The following TGFBR3 variants were observed in gnomAD, a reference collection of about 807,000 sequenced individuals.
TGFBR3 encodes the protein transforming growth factor beta receptor type 3.
Under a neutral mutation model 87.9 loss-of-function variants are expected in TGFBR3, and 46 were observed. That is an observed-to-expected ratio of 0.52 (90% CI 0.41 to 0.67). TGFBR3 has a LOEUF of 0.67. Among genes scored for constraint, TGFBR3 ranks in the 30% least tolerant of loss-of-function variants. The probability of loss-of-function intolerance (pLI) is 0.00; values close to 1 mark genes in which losing one functional copy is unlikely to be tolerated. For missense variants in TGFBR3, 866 were observed against 1,041.9 expected (o/e 0.83, Z 2.32); for synonymous variants, 381 against 391.6 (o/e 0.97, Z 0.32).
chr1:91,861,714 CAG>C (rs1291989744), intron 1 of TGFBR3, 70 bp from the exon 2 acceptor site: 7 of 650,840 alleles, frequency 1.1e-5, no homozygotes, highest in African/African-American at 9.2e-5. Context: ...TAAAATTAAA[CAG>C]AGAATTTCTG....
intron 2 of TGFBR3, among the ~76,000 whole-genome samples, chr1:91,805,957 T>A (rs577549139): frequency 1.3e-5 from 2 of 152,352 alleles, no homozygotes; most frequent in African/African-American, 4.8e-5. Context: ...ACCACCTGCC[T>A]CTGCCTTGTA....
chr1:91,683,914 T>C, intron 16 of TGFBR3, 57 bp from the exon 17 acceptor site: 6 of 1,453,520 alleles, frequency 4.1e-6, no homozygotes, highest in Non-Finnish European at 5.7e-6. Context: ...TGTATGTGCA[T>C]TCCTGAAAAG....
At chr1:91,839,401 C>A (rs370011887) in intron 2 of TGFBR3, among the ~76,000 whole-genome samples, 9 of 152,278 alleles carry the variant, frequency 5.9e-5, no homozygotes, top group African/African-American at 2.2e-4. Context: ...ATAAATTTTT[C>A]ATACTCCGTA....
chr1:91,882,143 T>C (rs1445199209), intron 1 of TGFBR3, among the ~76,000 whole-genome samples: 1 of 148,686 alleles, frequency 6.7e-6, no homozygotes, highest in African/African-American at 2.4e-5. Context: ...AAAACCTTTT[T>C]TTTTTTTTTT....
At chr1:91,726,611 G>C (rs1057403122) in intron 7 of TGFBR3, among the ~76,000 whole-genome samples, 1 of 151,624 alleles carries the variant, frequency 6.6e-6, no homozygotes, top group Non-Finnish European at 1.5e-5. Context: ...GCTGCCTCTG[G>C]TGAGTGCTTT....
Position 91,682,555 on chromosome 1 carries a change from G to T in TGFBR3, c.*1184C>A. ...ATATATTTAAGGCAAGAGAAGTAAG[G>T]CAATCCAAATGAGTGCCCTTTTCCA... On this transcript the variant is annotated 3_prime_UTR_variant, in exon 17 of 17. Coordinates refer to ENST00000212355, the MANE Select transcript of TGFBR3 (RefSeq NM_003243.5). 2.2e-6 allele frequency: 1 copy of T among 453,502 alleles called. No individual in the cohort carries two copies. The highest frequency in any genetic ancestry group is 2.0e-5 in the African/African-American group (1 of 49,868). The allele number at this position is 453,502 out of a possible 1,614,324, so 28.1% of individuals were successfully genotyped here.
rs187479546 is a variant in TGFBR3, at chr1:91,829,488, C to T, written c.61+31983G>A. Among the ~76,000 whole-genome samples, 405 of 151,774 alleles carry T rather than the reference C, an allele frequency of 2.7e-3. 2 individuals are homozygous for T. Among genetic ancestry groups the T allele is most frequent in the African/African-American group, 9.5e-3 (395 of 41,386 alleles). On this transcript the variant is annotated intron_variant, in intron 2 of 16. Transcript: ENST00000212355. Reference sequence around the variant, plus strand: ...TGGCTGTGGTTCTGACAAAGTGACACCAAAGGGCACATATGCTAGAAGGGT... The same window carrying T: ...TGGCTGTGGTTCTGACAAAGTGACATCAAAGGGCACATATGCTAGAAGGGT...
chr1:91,704,613 G>C (rs1366853574), intron 14 of TGFBR3, among the ~76,000 whole-genome samples: 2 of 152,178 alleles, frequency 1.3e-5, no homozygotes, highest in African/African-American at 2.4e-5. Context: ...ATTTAGCACA[G>C]AGCCTTGCAC....
intron 4 of TGFBR3, among the ~76,000 whole-genome samples, chr1:91,757,095 G>A (rs1673771616): frequency 6.6e-6 from 1 of 152,048 alleles, no homozygotes; most frequent in African/African-American, 2.4e-5. Context: ...CTACCCAACA[G>A]GATCCAGCTC....
intron 2 of TGFBR3, among the ~76,000 whole-genome samples, chr1:91,827,336 C>G (rs143215936): frequency 2.6e-5 from 4 of 152,290 alleles, no homozygotes; most frequent in African/African-American, 9.6e-5. Flanking sequence ...ACTGACAAGA[C>G]AGTTAAACAT....
intron 1 of TGFBR3, among the ~76,000 whole-genome samples, chr1:91,862,938 C>T (rs953104316): frequency 5.9e-5 from 9 of 152,128 alleles, no homozygotes; most frequent in South Asian, 2.1e-4. Context: ...CCAATGTGGG[C>T]GCTTGTAGAT....
At chr1:91,791,431 A>G (rs899313250) in intron 3 of TGFBR3, among the ~76,000 whole-genome samples, 1 of 152,152 alleles carries the variant, frequency 6.6e-6, no homozygotes, top group African/African-American at 2.4e-5. Context: ...CTAAACCATG[A>G]AAGGGAAAAA....
intron 14 of TGFBR3, among the ~76,000 whole-genome samples, chr1:91,700,013 T>C (rs913386691): frequency 2.6e-5 from 4 of 152,242 alleles, no homozygotes; most frequent in Non-Finnish European, 5.9e-5. Context: ...ACGTGAAAAT[T>C]ATATGAAATT....
At chr1:91,857,826 T>C (rs1678020144) in intron 2 of TGFBR3, among the ~76,000 whole-genome samples, 1 of 152,234 alleles carries the variant, frequency 6.6e-6, no homozygotes, top group African/African-American at 2.4e-5. Context: ...TTTGCATGTA[T>C]ATCCCTAAGT....
At chr1:91,790,228 T>C (rs1407096365) in intron 3 of TGFBR3, among the ~76,000 whole-genome samples, 4 of 152,226 alleles carry the variant, frequency 2.6e-5, no homozygotes, top group African/African-American at 9.6e-5. Flanking sequence ...TTTTGACATT[T>C]AGGCATGTTT....
Position 91,744,086 on chromosome 1 carries a change from C to CTT in TGFBR3, c.385-9129_385-9128dup, listed in dbSNP as rs144888223. ...GTGTCATTAATATTAATTTTACTTA[C>CTT]TTTTTTTTTTTTTTTTTGAGACGGA... On this transcript the variant is annotated intron_variant, in intron 4 of 16. Transcript: ENST00000212355. Among the ~76,000 whole-genome samples, 384 of 135,904 alleles carry CTT rather than the reference C, an allele frequency of 2.8e-3. 3 individuals are homozygous for CTT. The highest frequency in any genetic ancestry group is 7.8e-3 in the African/African-American group (284 of 36,524). 89.2% of individuals were successfully genotyped at this position (135,904 alleles called of 152,430 possible).
chr1:91,862,368 G>T (rs1678235857), intron 1 of TGFBR3, among the ~76,000 whole-genome samples: 1 of 152,008 alleles, frequency 6.6e-6, no homozygotes, highest in African/African-American at 2.4e-5. Flanking sequence ...TTATCACAAG[G>T]ATCAAATTAA....
chr1:91,717,687 A>C (rs56050702), intron 10 of TGFBR3, among the ~76,000 whole-genome samples: 62,632 of 135,718 alleles, frequency 0.46, 13,821 homozygotes, highest in East Asian at 0.66. Flanking sequence ...TGGGAAGAAA[A>C]TTAAAAAAAA....
chr1:91,892,281 C>G (rs1278247220), intron 2 of TGFBR3, among the ~76,000 whole-genome samples: 1 of 152,034 alleles, frequency 6.6e-6, no homozygotes, highest in Non-Finnish European at 1.5e-5. Context: ...ACCTTGCTCT[C>G]CCAACAGCAG....
Sources: gnomAD v4.1 joint callset for allele counts (sites outside exome capture counted in the v4.1 genomes callset) on GRCh38, gnomAD v4.1.1 for gene constraint, MANE v1.5 for transcripts, NCBI Gene and HGNC (gene_info 2026-07-23, HGNC 2026-07-21) for gene names.